The following STARD13 variants were observed in gnomAD, a reference collection of about 807,000 sequenced individuals.
The protein encoded by STARD13 is StAR related lipid transfer domain containing 13.
Under a neutral mutation model 106.4 loss-of-function variants are expected in STARD13, and 62 were observed. The observed-to-expected ratio is 0.58, with a 90% CI of 0.48 to 0.72. The LOEUF is 0.72. Among genes scored for constraint, STARD13 ranks in the 30% least tolerant of loss-of-function variants. The pLI, the probability that STARD13 is intolerant of heterozygous loss-of-function variation, is 0.00. For missense variants in STARD13, 1,387 were observed against 1,424.0 expected (o/e 0.97, Z 0.42); for synonymous variants, 565 against 553.0 (o/e 1.02, Z -0.31).
intron 1 of STARD13, among the ~76,000 whole-genome samples, chr13:33,297,353 C>CAGAA (rs1478819757): frequency 1.3e-5 from 2 of 152,334 alleles, no homozygotes; most frequent in South Asian, 2.1e-4. Context: ...TATTGCTGCA[C>CAGAA]AGAAAGATAG....
chr13:33,392,665 A>T, the STARD13 span, among the ~76,000 whole-genome samples: 1 of 152,138 alleles, frequency 6.6e-6, no homozygotes. Context: ...CTCCCAAAGT[A>T]CTAGGATTAC....
At chr13:33,506,017 A>G in the STARD13 span, among the ~76,000 whole-genome samples, 5 of 152,168 alleles carry the variant, frequency 3.3e-5, no homozygotes, top group African/African-American at 9.6e-5. Context: ...TCACAGCACA[A>G]GTCAAAGCAG....
chr13:33,492,935 C>A, the STARD13 span, among the ~76,000 whole-genome samples: 1 of 152,174 alleles, frequency 6.6e-6, no homozygotes, highest in African/African-American at 2.4e-5. Context: ...AGCTGAGTTT[C>A]ATGGAGGTTA....
intron 4 of STARD13, among the ~76,000 whole-genome samples, chr13:33,131,149 T>C (rs477259): frequency 0.54 from 82,853 of 152,056 alleles, 23,649 homozygotes; most frequent in Non-Finnish European, 0.63. Context: ...TAGCTTTGCA[T>C]AGCCTTGGGC....
chr13:33,249,326 G>A (rs1233943591), intron 1 of STARD13, among the ~76,000 whole-genome samples: 1 of 152,160 alleles, frequency 6.6e-6, no homozygotes, highest in Non-Finnish European at 1.5e-5. Context: ...ATCTACACAA[G>A]GCCTTGACCT....
chr13:33,323,636 G>A (rs1013955619), intron 1 of STARD13, among the ~76,000 whole-genome samples: 1 of 152,138 alleles, frequency 6.6e-6, no homozygotes, highest in Admixed American at 6.5e-5. Context: ...ACAAAGCACT[G>A]TCTCTGATCT....
chr13:33,452,407 G>T, the STARD13 span, among the ~76,000 whole-genome samples: 1 of 152,110 alleles, frequency 6.6e-6, no homozygotes, highest in African/African-American at 2.4e-5. Flanking sequence ...TTCCTCTGCC[G>T]CACTGTTGTA....
At chr13:33,652,325 T>C in the STARD13 span, among the ~76,000 whole-genome samples, 1 of 152,232 alleles carries the variant, frequency 6.6e-6, no homozygotes, top group African/African-American at 2.4e-5. Context: ...AACTTAACAC[T>C]AAGTTTAACT....
chr13:33,590,734 A>T, the STARD13 span, among the ~76,000 whole-genome samples: 1 of 150,336 alleles, frequency 6.7e-6, no homozygotes, highest in Non-Finnish European at 1.5e-5. Context: ...GAGGGATAGC[A>T]TTAGGAGATA....
At chr13:33,378,717 G>A in the STARD13 span, among the ~76,000 whole-genome samples, 1 of 151,630 alleles carries the variant, frequency 6.6e-6, no homozygotes. Flanking sequence ...TTGAACCCAG[G>A]AGGCAGAGGT....
At chr13:33,201,040 A>AAAATAAACAAAT (rs983022975) in intron 1 of STARD13, among the ~76,000 whole-genome samples, 2 of 142,746 alleles carry the variant, frequency 1.4e-5, no homozygotes, top group African/African-American at 5.2e-5. Flanking sequence ...ATAAAAAATA[A>AAAATAAACAAAT]AAATAAACAA....
At chr13:33,370,437 T>TA in the STARD13 span, among the ~76,000 whole-genome samples, 1 of 152,124 alleles carries the variant, frequency 6.6e-6, no homozygotes, top group Non-Finnish European at 1.5e-5. Flanking sequence ...GAAGAAGAAA[T>TA]ACACGTACAA....
chr13:33,542,452 GCCA>G, the STARD13 span, among the ~76,000 whole-genome samples: 34 of 152,182 alleles, frequency 2.2e-4, no homozygotes, highest in Non-Finnish European at 3.4e-4. Context: ...AACCCATTAC[GCCA>G]CCATTTCCGC....
the STARD13 span, among the ~76,000 whole-genome samples, chr13:33,465,572 G>A: frequency 1.6e-4 from 24 of 151,980 alleles, no homozygotes; most frequent in Non-Finnish European, 3.4e-4. Context: ...CCTCCCCATT[G>A]CCTAAAAGTC....
the STARD13 span, among the ~76,000 whole-genome samples, chr13:33,616,582 G>C: frequency 1.3e-5 from 2 of 152,218 alleles, no homozygotes; most frequent in African/African-American, 4.8e-5. Flanking sequence ...CATGGGAAAA[G>C]TCTATGCCAT....
At chr13:33,634,674 T>G in the STARD13 span, among the ~76,000 whole-genome samples, 1 of 152,150 alleles carries the variant, frequency 6.6e-6, no homozygotes. Context: ...CAAATTACTG[T>G]TGCGTTTTGA....
the STARD13 span, among the ~76,000 whole-genome samples, chr13:33,466,189 C>T: frequency 2.0e-5 from 3 of 152,116 alleles, no homozygotes; most frequent in South Asian, 6.2e-4. Flanking sequence ...TTATGATTTA[C>T]AAGAGATACA....
the STARD13 span, among the ~76,000 whole-genome samples, chr13:33,551,867 G>T: frequency 1.3e-5 from 2 of 151,652 alleles, no homozygotes; most frequent in Admixed American, 1.3e-4. Context: ...CAAAGTGCTG[G>T]GATTATAGGC....
At chr13:33,249,652 A>T (rs1324342874) in intron 1 of STARD13, among the ~76,000 whole-genome samples, 2 of 152,220 alleles carry the variant, frequency 1.3e-5, no homozygotes, top group Non-Finnish European at 2.9e-5. Context: ...ACCTGTCTGT[A>T]TCAATTAATA....
Sources: gnomAD v4.1 joint callset for allele counts (sites outside exome capture counted in the v4.1 genomes callset) on GRCh38, gnomAD v4.1.1 for gene constraint, MANE v1.5 for transcripts, NCBI Gene and HGNC (gene_info 2026-07-23, HGNC 2026-07-21) for gene names.